The following TSPAN5 variants were observed in gnomAD, a reference collection of about 807,000 sequenced individuals.
TSPAN5 encodes the protein tetraspanin 5, also known as tetraspanin-5.
In TSPAN5, 10 loss-of-function variants were observed where a neutral mutation model predicts 37.1. That is an observed-to-expected ratio of 0.27 (90% confidence interval 0.17 to 0.46). TSPAN5 has a LOEUF of 0.46. Ranked by LOEUF, TSPAN5 falls within the 20% of genes least tolerant of loss-of-function variation. The pLI, the probability that TSPAN5 is intolerant of heterozygous loss-of-function variation, is 1.00. For missense variants in TSPAN5, 195 were observed against 326.6 expected, an observed-to-expected ratio of 0.60 and a Z score of 3.11; for synonymous variants, 110 against 118.9, an observed-to-expected ratio of 0.93 and a Z score of 0.48.
rs117222121 is a variant in TSPAN5 at position 98,587,314 on chromosome 4, G to A, written c.81+70832C>T. 2.9e-4 allele frequency among the ~76,000 whole-genome samples: 44 copies of A among 152,312 alleles called. 1 individual carries two copies. The East Asian group carries it at 7.9e-3, about 27-fold the overall frequency. On this transcript the variant is annotated intron_variant, in intron 1 of 7. Transcript: ENST00000305798. ...CTGAGGCTTCCACAGCTTAAACCCC[G>A]TGGTATCCAGACACCATGATTTCTA...
chr4:98,525,141 T>C (rs575508144), intron 1 of TSPAN5, among the ~76,000 whole-genome samples: 2 of 152,346 alleles, frequency 1.3e-5, no homozygotes, highest in Admixed American at 1.3e-4. Context: ...GAGTAGGTAA[T>C]TTGTGTAAAC....
At chr4:98,482,509 C>G (rs1299314140) in intron 3 of TSPAN5, 7 of 181,268 alleles carry the variant, frequency 3.9e-5, no homozygotes, top group African/African-American at 1.7e-4. Context: ...CTGCCAGATG[C>G]TTGTAACAAT....
At chr4:98,628,899 C>A (rs1425753972) in intron 1 of TSPAN5, among the ~76,000 whole-genome samples, 1 of 152,178 alleles carries the variant, frequency 6.6e-6, no homozygotes, top group Admixed American at 6.5e-5. Context: ...TTTAAGATTT[C>A]TCTAAATGAC....
At chr4:98,543,366 C>CAT (rs1754401646) in intron 1 of TSPAN5, among the ~76,000 whole-genome samples, 3 of 151,962 alleles carry the variant, frequency 2.0e-5, no homozygotes, top group South Asian at 2.1e-4. Context: ...TCTTAATATA[C>CAT]ATATATATAC....
intron 1 of TSPAN5, among the ~76,000 whole-genome samples, chr4:98,570,342 G>A (rs1190823418): frequency 6.6e-6 from 1 of 152,248 alleles, no homozygotes; most frequent in East Asian, 1.9e-4. Flanking sequence ...CCCACAGAAA[G>A]GCAAACATCT....
At chr4:98,495,813 G>T (rs552608630) in intron 2 of TSPAN5, among the ~76,000 whole-genome samples, 12 of 151,452 alleles carry the variant, frequency 7.9e-5, no homozygotes, top group Admixed American at 2.0e-4. Flanking sequence ...TGTGCCACCT[G>T]GCAAGCTTCT....
chr4:98,571,224 G>A (rs944501256), intron 1 of TSPAN5, among the ~76,000 whole-genome samples: 3 of 152,208 alleles, frequency 2.0e-5, no homozygotes, highest in African/African-American at 7.2e-5. Flanking sequence ...CCAAGGAGGG[G>A]ACACACATCA....
At chr4:98,580,230 A>G (rs942271353) in intron 1 of TSPAN5, among the ~76,000 whole-genome samples, 2 of 152,230 alleles carry the variant, frequency 1.3e-5, no homozygotes, top group African/African-American at 4.8e-5. Context: ...CTGAGAAACT[A>G]TTTTAGGATG....
intron 1 of TSPAN5, among the ~76,000 whole-genome samples, chr4:98,568,367 C>T (rs1161104260): frequency 6.6e-6 from 1 of 152,120 alleles, no homozygotes; most frequent in Non-Finnish European, 1.5e-5. Context: ...AAGGTGAAAC[C>T]CTATCTCTAC....
intron 1 of TSPAN5, among the ~76,000 whole-genome samples, chr4:98,646,156 A>T (rs1430884033): frequency 1.3e-5 from 2 of 151,938 alleles, no homozygotes; most frequent in Non-Finnish European, 2.9e-5. Flanking sequence ...CCTAGAGGAG[A>T]AGCCAGTGAG....
Position 98,472,361 on chromosome 4 carries a change from A to G in TSPAN5, c.*161T>C. On this transcript the variant is annotated 3_prime_UTR_variant, in exon 8 of 8. Coordinates refer to ENST00000305798, the MANE Select transcript of TSPAN5 (RefSeq NM_005723.4). ...TTTTTTTTTAATTCTGTCAGTGAGCAGCATTTCCCAGTTTTACACTCCCCT... is the reference window on the plus strand; with the variant it reads ...TTTTTTTTTAATTCTGTCAGTGAGCGGCATTTCCCAGTTTTACACTCCCCT... The G allele has an allele frequency of 2.0e-6, 1 of 502,826 alleles. No individual in the cohort carries two copies. 31.1% of individuals were successfully genotyped at this position (502,826 alleles called of 1,614,324 possible).
intron 1 of TSPAN5, among the ~76,000 whole-genome samples, chr4:98,545,115 A>G (rs1277501135): frequency 2.0e-5 from 3 of 152,224 alleles, no homozygotes; most frequent in Non-Finnish European, 4.4e-5. Flanking sequence ...ACCAAAGTCC[A>G]TGTCCATCAG....
intron 1 of TSPAN5, among the ~76,000 whole-genome samples, chr4:98,517,081 A>T (rs1753753064): frequency 6.6e-6 from 1 of 152,236 alleles, no homozygotes; most frequent in Non-Finnish European, 1.5e-5. Context: ...AAGAGACCAG[A>T]TCAATTGCTT....
chr4:98,566,624 C>T (rs1426954397), intron 1 of TSPAN5, among the ~76,000 whole-genome samples: 1 of 152,184 alleles, frequency 6.6e-6, no homozygotes, highest in Non-Finnish European at 1.5e-5. Flanking sequence ...TGCTAAGGCA[C>T]CACAAGCGGC....
Position 98,546,696 on chromosome 4 carries a change from AGAG to A in TSPAN5, c.82-38971_82-38969del, listed in dbSNP as rs1754479588. 1.1e-4 allele frequency among the ~76,000 whole-genome samples: 17 copies of A among 151,462 alleles called. 1 individual carries two copies. Among genetic ancestry groups the A allele is most frequent in the Admixed American group, 1.1e-3 (17 of 15,186 alleles). ...CTGGACTCACAGGGTTGAGGTGGGGAGAGAGAGAGAGAGAAGTGAAAACTAAAT... is the reference window on the plus strand; with the variant it reads ...CTGGACTCACAGGGTTGAGGTGGGGAAGAGAGAGAGAAGTGAAAACTAAAT... On this transcript the variant is annotated intron_variant, in intron 1 of 7. Coordinates refer to ENST00000305798, the MANE Select transcript of TSPAN5 (RefSeq NM_005723.4).
chr4:98,472,835 T>G (rs1752618314), intron 7 of TSPAN5, among the ~76,000 whole-genome samples: 1 of 152,180 alleles, frequency 6.6e-6, no homozygotes, highest in African/African-American at 2.4e-5. Context: ...CTGTGAGCAG[T>G]CATTCCCATC....
At chr4:98,624,550 G>A (rs1756551307) in intron 1 of TSPAN5, among the ~76,000 whole-genome samples, 3 of 152,186 alleles carry the variant, frequency 2.0e-5, no homozygotes, top group African/African-American at 4.8e-5. Context: ...TAGAGGAGGT[G>A]TAAAATTTTA....
Position 98,636,810 on chromosome 4 carries a change from T to A in TSPAN5, c.81+21336A>T, listed in dbSNP as rs114219048. On this transcript the variant is annotated intron_variant, in intron 1 of 7. Transcript: ENST00000305798. ...AAGAGTTAACTATTTTGAACATGAA[T>A]GATCAAGCTTATTCTTTAACATAAG... Among the ~76,000 whole-genome samples, 1,484 of 152,342 alleles carry A rather than the reference T, an allele frequency of 9.7e-3. 32 individuals are homozygous for A. Among genetic ancestry groups the A allele is most frequent in the African/African-American group, 0.033 (1,393 of 41,586 alleles).
chr4:98,529,016 G>A (rs899804543), intron 1 of TSPAN5, among the ~76,000 whole-genome samples: 1 of 152,004 alleles, frequency 6.6e-6, no homozygotes, highest in Non-Finnish European at 1.5e-5. Flanking sequence ...GATTGACAGT[G>A]GTAGAGCCAG....
Sources: allele counts gnomAD v4.1 joint callset (sites outside exome capture counted in the v4.1 genomes callset), GRCh38; gene constraint gnomAD v4.1.1; transcripts MANE v1.5; gene names NCBI Gene and HGNC (gene_info 2026-07-23, HGNC 2026-07-21).